Variants in CALN1 observed in about 807,000 individuals in gnomAD.
CALN1 encodes calcium-binding protein 8.
CALN1 carries 17 observed loss-of-function variants against 30.6 expected under a neutral mutation model. The observed-to-expected ratio is 0.56, with a 90% CI of 0.38 to 0.83. The LOEUF (loss-of-function observed/expected upper bound fraction) is 0.83. CALN1 is among the 40% of genes least tolerant of loss of function. The pLI, the probability that CALN1 is intolerant of heterozygous loss-of-function variation, is 0.00. For synonymous variants in CALN1, 156 were observed against 131.4 expected (o/e 1.19, Z -1.28); for missense variants, 291 against 354.9 (o/e 0.82, Z 1.45).
intron 3 of CALN1, among the ~76,000 whole-genome samples, chr7:72,155,345 A>T (rs2129544455): frequency 6.6e-6 from 1 of 152,060 alleles, no homozygotes; most frequent in East Asian, 2.0e-4. Flanking sequence ...ACAAAAAATT[A>T]GCCGGGCGTG....
At chr7:71,882,690 A>C (rs984029622) in intron 5 of CALN1, among the ~76,000 whole-genome samples, 3 of 151,840 alleles carry the variant, frequency 2.0e-5, no homozygotes, top group Admixed American at 6.6e-5. Flanking sequence ...AAAAAAAAAA[A>C]CAACTTTTTA....
At chr7:72,318,764 C>T (rs1800666299) in intron 2 of CALN1, among the ~76,000 whole-genome samples, 1 of 115,156 alleles carries the variant, frequency 8.7e-6, no homozygotes, top group Admixed American at 1.3e-4. Flanking sequence ...GTTGCCCAGA[C>T]TAGTCTCAAA....
chr7:72,259,092 T>C (rs1796111008), intron 3 of CALN1, among the ~76,000 whole-genome samples: 1 of 150,166 alleles, frequency 6.7e-6, no homozygotes, highest in Non-Finnish European at 1.5e-5. Flanking sequence ...ATTTAAAATA[T>C]ATTATTTATA....
At chr7:72,105,257 G>A (rs1464657575) in intron 4 of CALN1, among the ~76,000 whole-genome samples, 1 of 152,134 alleles carries the variant, frequency 6.6e-6, no homozygotes. Flanking sequence ...AACTACAGCG[G>A]GACAGTTACC....
rs1252261497 is a variant in CALN1 at position 71,799,261 on chromosome 7, C to T, written c.658+11075G>A. On this transcript the variant is annotated intron_variant, in intron 6 of 6. Transcript: ENST00000395275. ...AGATTGTATCATGATTCCCCTTTCACAGATGGAGAAAAGGAGACTCTCAAT... is the reference window on the plus strand; with the variant it reads ...AGATTGTATCATGATTCCCCTTTCATAGATGGAGAAAAGGAGACTCTCAAT... Among the ~76,000 whole-genome samples, 7 of 152,172 alleles carry T rather than the reference C, an allele frequency of 4.6e-5. No homozygotes were observed. The East Asian group carries it at 1.4e-3, about 29-fold the overall frequency.
intron 2 of CALN1, among the ~76,000 whole-genome samples, chr7:72,391,783 G>A (rs921599449): frequency 6.6e-6 from 1 of 152,060 alleles, no homozygotes; most frequent in Non-Finnish European, 1.5e-5. Flanking sequence ...CCATGATTGT[G>A]AGCCACACCC....
chr7:72,332,363 A>G (rs1047418793), intron 2 of CALN1, among the ~76,000 whole-genome samples: 2 of 151,948 alleles, frequency 1.3e-5, no homozygotes, highest in Non-Finnish European at 2.9e-5. Context: ...GGTCAGTGCC[A>G]TGGAAAGGGG....
chr7:72,346,861 C>G (rs1339259364), intron 2 of CALN1, among the ~76,000 whole-genome samples: 2 of 151,938 alleles, frequency 1.3e-5, no homozygotes, highest in African/African-American at 4.8e-5. Context: ...ATTCTGGAAC[C>G]CATCAAAAAA....
chr7:72,336,211 C>T (rs1055861450), intron 2 of CALN1, among the ~76,000 whole-genome samples: 6 of 152,128 alleles, frequency 3.9e-5, no homozygotes, highest in Non-Finnish European at 7.4e-5. Context: ...CTCCCGCCTC[C>T]CCCGATCGCC....
intron 5 of CALN1, among the ~76,000 whole-genome samples, chr7:71,918,074 CCT>C (rs753733836): frequency 7.9e-5 from 12 of 152,046 alleles, no homozygotes; most frequent in Non-Finnish European, 1.5e-4. Flanking sequence ...GATAATAACC[CCT>C]GACTTGCCTA....
intron 5 of CALN1, among the ~76,000 whole-genome samples, chr7:71,868,396 G>A (rs6950787): frequency 0.013 from 1,900 of 149,700 alleles, 44 homozygotes; most frequent in African/African-American, 0.042. Flanking sequence ...TTTTGAGACG[G>A]AGTTTTGCTC....
At chr7:71,945,444 A>G (rs1450474571) in intron 5 of CALN1, among the ~76,000 whole-genome samples, 2 of 152,220 alleles carry the variant, frequency 1.3e-5, no homozygotes, top group Non-Finnish European at 2.9e-5. Context: ...AGTGCTCGAG[A>G]GCAGGGCTCC....
chr7:72,499,874 T>C, the CALN1 span, among the ~76,000 whole-genome samples: 1,135 of 77,202 alleles, frequency 0.015, 121 homozygotes, highest in African/African-American at 0.058. Context: ...TCTTTCTTTC[T>C]TTCTTTCTTT....
At chr7:72,410,863 G>A (rs1028927777) in intron 1 of CALN1, among the ~76,000 whole-genome samples, 3 of 152,068 alleles carry the variant, frequency 2.0e-5, no homozygotes, top group African/African-American at 4.8e-5. Context: ...AAAAATACAA[G>A]GATGTTTACT....
Position 72,271,564 on chromosome 7 carries a change from T to A in CALN1, c.244+7122A>T, listed in dbSNP as rs867477936. ...AGCATGAACCACTGTGCCTGCCTTT[T>A]AAAAAAAAAAAATATATATATATAT... is the stretch of plus-strand genomic sequence containing the variant. On this transcript the variant is annotated intron_variant, in intron 3 of 6. Transcript: ENST00000395275. 7.3e-3 allele frequency among the ~76,000 whole-genome samples: 469 copies of A among 64,300 alleles called. 7 individuals are homozygous for A. The highest frequency in any genetic ancestry group is 0.025 in the African/African-American group (225 of 9,002). The allele number at this position is 64,300 out of a possible 152,430, so 42.2% of individuals were successfully genotyped here.
At chr7:72,297,569 T>G (rs1798953338) in intron 2 of CALN1, among the ~76,000 whole-genome samples, 1 of 152,220 alleles carries the variant, frequency 6.6e-6, no homozygotes. Context: ...ACAAGATGAT[T>G]TAATATTATT....
chr7:72,339,741 A>G (rs557541607), intron 2 of CALN1, among the ~76,000 whole-genome samples: 25 of 152,234 alleles, frequency 1.6e-4, no homozygotes, highest in Non-Finnish European at 3.5e-4. Flanking sequence ...CACATCTTAC[A>G]TGGCAGCAAG....
At chr7:72,119,092 GTTTAT>G (rs1237026630) in intron 3 of CALN1, among the ~76,000 whole-genome samples, 3 of 152,158 alleles carry the variant, frequency 2.0e-5, no homozygotes, top group African/African-American at 7.2e-5. Flanking sequence ...TACAGCTGAT[GTTTAT>G]TTTCTTTGCT....
At chr7:72,263,046 C>A (rs1203220962) in intron 3 of CALN1, among the ~76,000 whole-genome samples, 1 of 152,190 alleles carries the variant, frequency 6.6e-6, no homozygotes, top group African/African-American at 2.4e-5. Flanking sequence ...TGGACCCTGT[C>A]CAGTGTTTTG....
Sources: allele counts gnomAD v4.1 joint callset (sites outside exome capture counted in the v4.1 genomes callset), GRCh38; gene constraint gnomAD v4.1.1; transcripts MANE v1.5; gene names NCBI Gene and HGNC (gene_info 2026-07-23, HGNC 2026-07-21).